The following PGM5 variants were observed in gnomAD, a reference collection of about 807,000 sequenced individuals.
The protein encoded by PGM5 is phosphoglucomutase 5, also known as phosphoglucomutase-like protein 5.
PGM5 carries 23 observed loss-of-function variants against 59.2 expected under a neutral mutation model. That is an observed-to-expected ratio of 0.39 (90% CI 0.28 to 0.55). PGM5 has a LOEUF of 0.55. PGM5 is among the 20% of genes least tolerant of loss of function. PGM5 has a pLI of 0.66. For synonymous variants in PGM5, 214 were observed against 286.0 expected (o/e 0.75, Z 2.54); for missense variants, 574 against 748.3 (o/e 0.77, Z 2.72).
intron 6 of PGM5, among the ~76,000 whole-genome samples, chr9:68,406,924 A>G (rs2770855): frequency 6.6e-6 from 1 of 150,810 alleles, no homozygotes; most frequent in African/African-American, 2.4e-5. Flanking sequence ...ACATGTGGAT[A>G]CTAGTGAGGC....
At chr9:68,373,797 A>C (rs1821802618) in intron 1 of PGM5, among the ~76,000 whole-genome samples, 2 of 151,910 alleles carry the variant, frequency 1.3e-5, no homozygotes, top group Admixed American at 6.6e-5. Context: ...GTGGGCAAAG[A>C]CTCTTGTCTA....
At chr9:68,477,509 T>C (rs560689384) in intron 7 of PGM5, among the ~76,000 whole-genome samples, 16 of 152,338 alleles carry the variant, frequency 1.1e-4, no homozygotes, top group South Asian at 8.3e-4. Flanking sequence ...TGTTTTGTAG[T>C]TCTGAAACCC....
intron 7 of PGM5, among the ~76,000 whole-genome samples, chr9:68,470,814 G>A (rs1564014190): frequency 6.6e-6 from 1 of 152,198 alleles, no homozygotes. Context: ...AGTGCTAGAT[G>A]AGCAGTTTCT....
At chr9:68,374,972 C>T (rs1375517666) in intron 1 of PGM5, among the ~76,000 whole-genome samples, 1 of 151,642 alleles carries the variant, frequency 6.6e-6, no homozygotes, top group Admixed American at 6.6e-5. Context: ...CACATGAGGT[C>T]ACAGTTACAT....
intron 10 of PGM5, among the ~76,000 whole-genome samples, chr9:68,512,179 C>T (rs900275875): frequency 3.3e-5 from 5 of 152,168 alleles, no homozygotes; most frequent in Non-Finnish European, 7.3e-5. Context: ...AGAGAAAGGG[C>T]TTGAACACTG....
At chr9:68,373,741 G>T (rs1821798935) in intron 1 of PGM5, among the ~76,000 whole-genome samples, 2 of 152,248 alleles carry the variant, frequency 1.3e-5, no homozygotes, top group African/African-American at 4.8e-5. Flanking sequence ...AAAAACAATA[G>T]AATGTTATTT....
At position 68,499,221 on chromosome 9, in the gene PGM5, T is replaced by A. The variant is rs782233684; in HGVS notation, c.1480-6T>A. ...ACTGCTCCATTCTGGATGTTCTTGG[T>A]CTCAGGGCCTAAGGATCATTTTCTC... On this transcript the variant is annotated splice_polypyrimidine_tract_variant and splice_region_variant and intron_variant, in intron 9 of 10. Coordinates refer to ENST00000396396, the MANE Select transcript of PGM5 (RefSeq NM_021965.4). 6.2e-7 allele frequency: 1 copy of A among 1,614,124 alleles called. No individual in the cohort carries two copies. Among genetic ancestry groups the A allele is most frequent in the Non-Finnish European group, 8.5e-7 (1 of 1,179,990 alleles).
intron 10 of PGM5, among the ~76,000 whole-genome samples, chr9:68,516,236 A>G (rs959738556): frequency 6.6e-6 from 1 of 152,224 alleles, no homozygotes; most frequent in Non-Finnish European, 1.5e-5. Flanking sequence ...AGTAAATTGG[A>G]GTAGACCAGC....
chr9:68,485,966 G>A (rs920680521), intron 9 of PGM5, among the ~76,000 whole-genome samples: 5 of 152,150 alleles, frequency 3.3e-5, no homozygotes, highest in Non-Finnish European at 5.9e-5. Flanking sequence ...GTCCTGTTGG[G>A]TAGAGGTGGA....
intron 6 of PGM5, among the ~76,000 whole-genome samples, chr9:68,460,661 C>T (rs190806306): frequency 6.6e-6 from 1 of 152,188 alleles, no homozygotes; most frequent in South Asian, 2.1e-4. Context: ...AGTCAAAGAC[C>T]ATAAAATAGA....
chr9:68,357,414 C>G (rs1554675844), intron 1 of PGM5, 26 bp downstream of exon 1: 2 of 1,548,940 alleles, frequency 1.3e-6, no homozygotes, highest in Non-Finnish European at 1.7e-6. Context: ...CCCCTCGCTT[C>G]CCGCCGCGCC....
chr9:68,480,819 T>C (rs1824186051), intron 8 of PGM5, among the ~76,000 whole-genome samples: 1 of 151,950 alleles, frequency 6.6e-6, no homozygotes, highest in African/African-American at 2.4e-5. Context: ...GGGTTGGGGG[T>C]CTATATCACT....
chr9:68,456,477 AT>A (rs782463402), intron 6 of PGM5, among the ~76,000 whole-genome samples: 4,268 of 138,596 alleles, frequency 0.031, 149 homozygotes, highest in African/African-American at 0.093. Flanking sequence ...CGCCTGGCTA[AT>A]TTTTTTTTTT....
chr9:68,373,809 C>G (rs1438965370), intron 1 of PGM5, among the ~76,000 whole-genome samples: 1 of 152,184 alleles, frequency 6.6e-6, no homozygotes, highest in Non-Finnish European at 1.5e-5. Context: ...TCTTGTCTAC[C>G]AAATGGGATG....
chr9:68,396,958 GA>G (rs1428465574), intron 6 of PGM5: 1 of 152,322 alleles, frequency 6.6e-6, no homozygotes, highest in African/African-American at 2.4e-5. Flanking sequence ...CCTTGAGGCT[GA>G]TGAATTATTC....
At chr9:68,458,804 T>C (rs2132075397) in intron 6 of PGM5, among the ~76,000 whole-genome samples, 1 of 152,302 alleles carries the variant, frequency 6.6e-6, no homozygotes, top group South Asian at 2.1e-4. Context: ...AAAGTGTGAG[T>C]TGTTCCATCC....
At chr9:68,488,146 A>T (rs1824327834) in intron 9 of PGM5, among the ~76,000 whole-genome samples, 1 of 152,340 alleles carries the variant, frequency 6.6e-6, no homozygotes, top group South Asian at 2.1e-4. Flanking sequence ...AAGCAGAAAA[A>T]AAACACACAA....
intron 6 of PGM5, among the ~76,000 whole-genome samples, chr9:68,400,358 A>C (rs1296456492): frequency 6.6e-6 from 1 of 152,140 alleles, no homozygotes; most frequent in Non-Finnish European, 1.5e-5. Context: ...TGCTGCTTAC[A>C]GTTTCCCAAA....
intron 6 of PGM5, among the ~76,000 whole-genome samples, chr9:68,423,647 C>T (rs566168731): frequency 1.1e-5 from 1 of 93,820 alleles, no homozygotes; most frequent in Admixed American, 1.2e-4. Context: ...CTCTCTCTCT[C>T]TCTCTCTGTC....
Sources: gnomAD v4.1 joint callset for allele counts (sites outside exome capture counted in the v4.1 genomes callset) on GRCh38, gnomAD v4.1.1 for gene constraint, MANE v1.5 for transcripts, NCBI Gene and HGNC (gene_info 2026-07-23, HGNC 2026-07-21) for gene names.